ELFN2: variants seen among roughly 807,000 people sequenced by gnomAD.
ELFN2 encodes extracellular leucine rich repeat and fibronectin type III domain containing 2, also known as protein phosphatase 1 regulatory subunit 29.
Under a neutral mutation model 45.5 loss-of-function variants are expected in ELFN2, and 17 were observed. That is an observed-to-expected ratio of 0.37 (90% CI 0.26 to 0.56). ELFN2 has a LOEUF of 0.56. Ranked by LOEUF, ELFN2 falls within the 20% of genes least tolerant of loss-of-function variation. The pLI, the probability that ELFN2 is intolerant of heterozygous loss-of-function variation, is 0.77. For synonymous variants in ELFN2, 550 were observed against 551.5 expected, an observed-to-expected ratio of 1.00 and a Z score of 0.04; for missense variants, 922 against 1,183.2, an observed-to-expected ratio of 0.78 and a Z score of 3.24.
intron 1 of ELFN2, among the ~76,000 whole-genome samples, chr22:37,358,793 G>A (rs1931011048): frequency 6.6e-6 from 1 of 152,222 alleles, no homozygotes; most frequent in South Asian, 2.1e-4. Context: ...CCAAGTGAAG[G>A]GTGGTGTGGC....
At chr22:37,384,044 G>A (rs914767377) in intron 2 of ELFN2, among the ~76,000 whole-genome samples, 3 of 152,048 alleles carry the variant, frequency 2.0e-5, no homozygotes, top group Non-Finnish European at 2.9e-5. Flanking sequence ...CCTGCCCACC[G>A]TGTCACCCCC....
At chr22:37,386,712 C>T (rs1931956886) in intron 2 of ELFN2, among the ~76,000 whole-genome samples, 1 of 152,158 alleles carries the variant, frequency 6.6e-6, no homozygotes, top group Non-Finnish European at 1.5e-5. Context: ...CGGGGAGGGC[C>T]GCCGGCTGGG....
intron 1 of ELFN2, among the ~76,000 whole-genome samples, chr22:37,351,443 G>C (rs12168322): frequency 0.28 from 41,906 of 149,124 alleles, 7,552 homozygotes; most frequent in Middle Eastern, 0.36. Flanking sequence ...ACCTCTCCTC[G>C]AGTGACAGGT....
At chr22:37,361,967 C>A (rs1365843556) in intron 1 of ELFN2, among the ~76,000 whole-genome samples, 1 of 152,216 alleles carries the variant, frequency 6.6e-6, no homozygotes, top group African/African-American at 2.4e-5. Context: ...CGCATTCAAG[C>A]CCTGCCTACA....
chr22:37,388,973 G>C (rs1422522701), intron 2 of ELFN2, among the ~76,000 whole-genome samples: 1 of 152,218 alleles, frequency 6.6e-6, no homozygotes. Context: ...ACAGAGAATA[G>C]GAACTCTTTC....
chr22:37,379,642 G>A (rs1230172362), intron 2 of ELFN2, among the ~76,000 whole-genome samples: 1 of 152,182 alleles, frequency 6.6e-6, no homozygotes, highest in Non-Finnish European at 1.5e-5. Context: ...GCTGTAGGAC[G>A]TCCCCTCTCA....
chr22:37,382,799 G>A (rs150324612), intron 2 of ELFN2, among the ~76,000 whole-genome samples: 3 of 152,200 alleles, frequency 2.0e-5, no homozygotes, highest in East Asian at 3.9e-4. Context: ...CGATCCACCC[G>A]CCCACGACTA....
intron 1 of ELFN2, among the ~76,000 whole-genome samples, chr22:37,351,700 T>C (rs78468172): frequency 0.057 from 8,559 of 150,536 alleles, 582 homozygotes; most frequent in Middle Eastern, 0.14. Context: ...AGTTTACCTG[T>C]GAAGTGAGGC....
intron 1 of ELFN2, chr22:37,353,612 T>C (rs1039073171): frequency 1.3e-5 from 2 of 150,996 alleles, no homozygotes; most frequent in Non-Finnish European, 3.0e-5. Flanking sequence ...ATGGCCCGAA[T>C]AGGCATTTCA....
At chr22:37,379,955 A>G (rs1931704118) in intron 2 of ELFN2, among the ~76,000 whole-genome samples, 3 of 152,180 alleles carry the variant, frequency 2.0e-5, no homozygotes, top group Non-Finnish European at 4.4e-5. Flanking sequence ...AGCCTGGCAC[A>G]GCGCCTGGCC....
chr22:37,400,037 C>T (rs1003004952), intron 2 of ELFN2, among the ~76,000 whole-genome samples: 2 of 152,180 alleles, frequency 1.3e-5, no homozygotes, highest in South Asian at 4.1e-4. Context: ...GCAACCACCC[C>T]CTCCCTGCCT....
intron 1 of ELFN2, chr22:37,419,100 A>G (rs1932789225): frequency 6.6e-6 from 1 of 151,156 alleles, no homozygotes; most frequent in South Asian, 2.1e-4. Flanking sequence ...ATGTAGACCC[A>G]CCAAGTGCTG....
Position 37,373,019 on chromosome 22 carries a change from C to T in ELFN2, c.*53G>A. ...CGCCCTGGCCGCCTGGACCCTTCCC[C>T]CAAAAGGCCCCCAGCCCTCTGGCTC... On this transcript the variant is annotated 3_prime_UTR_variant, in exon 3 of 3. Transcript: ENST00000402918. 6.5e-7 allele frequency: 1 copy of T among 1,528,742 alleles called. No homozygotes were observed. The highest frequency in any genetic ancestry group is 8.8e-7 in the Non-Finnish European group (1 of 1,139,112). The allele number at this position is 1,528,742 out of a possible 1,614,324, so 94.7% of individuals were successfully genotyped here.
Position 37,372,923 on chromosome 22 carries a change from T to A in ELFN2, c.*149A>T, listed in dbSNP as rs1931415989. 1 of 761,576 alleles carries A rather than the reference T, an allele frequency of 1.3e-6. No individual in the cohort carries two copies. The highest frequency in any genetic ancestry group is 2.1e-6 in the Non-Finnish European group (1 of 486,200). The allele number at this position is 761,576 out of a possible 1,614,324, so 47.2% of individuals were successfully genotyped here. On this transcript the variant is annotated 3_prime_UTR_variant, in exon 3 of 3. Transcript: ENST00000402918. The surrounding 1 kb of genome is among the most constrained non-coding windows in gnomAD (Gnocchi z 4.4). ...TTCACAGTCGGGTGGTGGTCAGGTG[T>A]GTGTGTGCGTGCGTGCGTGCGGGTC... is the stretch of plus-strand genomic sequence containing the variant.
chr22:37,406,436 C>A (rs550607000), intron 2 of ELFN2, among the ~76,000 whole-genome samples: 5 of 152,314 alleles, frequency 3.3e-5, no homozygotes, highest in South Asian at 2.1e-4. Context: ...GGTGACCCTC[C>A]CTGGCGCTCC....
intron 1 of ELFN2, among the ~76,000 whole-genome samples, chr22:37,358,430 C>T (rs572336154): frequency 7.2e-5 from 11 of 152,344 alleles, no homozygotes; most frequent in African/African-American, 2.6e-4. Context: ...ACCGTTTCTT[C>T]GAATACAGGA....
At chr22:37,405,090 ATTT>A (rs745621772) in intron 2 of ELFN2, among the ~76,000 whole-genome samples, 30 of 124,042 alleles carry the variant, frequency 2.4e-4, no homozygotes, top group Admixed American at 7.8e-4. Flanking sequence ...GAACCTCAGC[ATTT>A]TTTTTTTTTT....
chr22:37,384,400 C>A (rs1347780262), intron 2 of ELFN2, among the ~76,000 whole-genome samples: 1 of 151,666 alleles, frequency 6.6e-6, no homozygotes, highest in African/African-American at 2.4e-5. Context: ...CCAAGCTACT[C>A]AGGAGACTGC....
In ELFN2 at chr22:37,397,659, G is replaced by A. The variant is rs541762123; in HGVS notation, c.-463+20110C>T. ...CCGCGTGACCTTCTTATGTGGGGAC[G>A]TGGGGCTCTCACTTCCAAATGAGGA... is the stretch of plus-strand genomic sequence containing the variant. On this transcript the variant is annotated intron_variant, in intron 2 of 2. Transcript: ENST00000402918. Among the ~76,000 whole-genome samples the A allele has an allele frequency of 1.6e-4, 25 of 152,356 alleles. No homozygotes were observed. The South Asian group carries it at 3.1e-3, about 19-fold the overall frequency.
Sources: allele counts gnomAD v4.1 joint callset (sites outside exome capture counted in the v4.1 genomes callset), GRCh38; gene constraint gnomAD v4.1.1; non-coding constraint Gnocchi (gnomAD v3.1); transcripts MANE v1.5; gene names NCBI Gene and HGNC (gene_info 2026-07-23, HGNC 2026-07-21).